MCC: variants seen among roughly 807,000 people sequenced by gnomAD.
The protein encoded by MCC is colorectal mutant cancer protein.
In MCC, 90 loss-of-function variants were observed where a neutral mutation model predicts 116.2. That is an observed-to-expected ratio of 0.77 (90% CI 0.65 to 0.92). The LOEUF is 0.92. MCC is among the 40% of genes least tolerant of loss of function. The pLI is 0.00. For missense variants in MCC, 1,516 were observed against 1,312.2 expected (o/e 1.16, Z -2.40); for synonymous variants, 578 against 510.5 (o/e 1.13, Z -1.78).
At chr5:113,294,632 G>A in intron 3 of MCC, 1 of 1,130,264 alleles carries the variant, frequency 8.8e-7, no homozygotes, top group Non-Finnish European at 1.1e-6. Flanking sequence ...GCTCGCAGCT[G>A]CGGCAGCGGC....
chr5:113,347,366 T>C (rs185591880), intron 2 of MCC, among the ~76,000 whole-genome samples: 98 of 151,772 alleles, frequency 6.5e-4, no homozygotes, highest in Non-Finnish European at 3.4e-4. Flanking sequence ...GTGGAATTTT[T>C]ATTAGTTTTC....
chr5:113,377,203 C>G (rs536300643), intron 2 of MCC, among the ~76,000 whole-genome samples: 1 of 152,132 alleles, frequency 6.6e-6, no homozygotes, highest in East Asian at 1.9e-4. Flanking sequence ...ACTTCTTCTT[C>G]AAAGTATTAG....
At chr5:113,186,871 G>A (rs1005077862) in intron 3 of MCC, among the ~76,000 whole-genome samples, 1 of 152,044 alleles carries the variant, frequency 6.6e-6, no homozygotes, top group African/African-American at 2.4e-5. Context: ...GACATTTCTG[G>A]TTTTCACAAC....
At chr5:113,334,919 C>A (rs1483046383) in intron 3 of MCC, among the ~76,000 whole-genome samples, 3 of 151,636 alleles carry the variant, frequency 2.0e-5, no homozygotes, top group Admixed American at 6.6e-5. Context: ...AAAATCAACC[C>A]TATATTCTAG....
intron 1 of MCC, among the ~76,000 whole-genome samples, chr5:113,447,330 G>A (rs1239289607): frequency 2.6e-5 from 4 of 152,174 alleles, no homozygotes; most frequent in Non-Finnish European, 5.9e-5. Flanking sequence ...TGCATTTGGA[G>A]TATAAATTTT....
chr5:113,447,284 G>A (rs945092802), intron 1 of MCC, among the ~76,000 whole-genome samples: 9 of 152,282 alleles, frequency 5.9e-5, no homozygotes, highest in African/African-American at 1.7e-4. Context: ...GGGTAGGAAG[G>A]GGTGGGTGGT....
chr5:113,439,001 G>A (rs575123247), intron 1 of MCC, among the ~76,000 whole-genome samples: 2 of 152,266 alleles, frequency 1.3e-5, no homozygotes, highest in African/African-American at 2.4e-5. Context: ...CCCAGGATAC[G>A]GTGTTGAGGC....
intron 3 of MCC, among the ~76,000 whole-genome samples, chr5:113,238,731 C>T (rs1334877621): frequency 1.3e-5 from 2 of 152,200 alleles, no homozygotes; most frequent in Admixed American, 1.3e-4. Context: ...GACTGCAATT[C>T]CATTCTTACC....
chr5:113,303,717 A>G (rs1228946016), intron 3 of MCC, among the ~76,000 whole-genome samples: 6 of 152,118 alleles, frequency 3.9e-5, no homozygotes, highest in African/African-American at 1.4e-4. Context: ...CAATGGCGCA[A>G]TCTCAGCTCA....
chr5:113,379,362 A>T (rs1280674495), intron 2 of MCC, among the ~76,000 whole-genome samples: 1 of 152,248 alleles, frequency 6.6e-6, no homozygotes, highest in Non-Finnish European at 1.5e-5. Flanking sequence ...TGATAACAAC[A>T]CGATTATATA....
intron 16 of MCC, among the ~76,000 whole-genome samples, chr5:113,045,690 T>C (rs1157129213): frequency 6.6e-6 from 1 of 151,460 alleles, no homozygotes; most frequent in East Asian, 1.9e-4. Context: ...TCCCAGATAA[T>C]TGGGAGGCTG....
intron 2 of MCC, among the ~76,000 whole-genome samples, chr5:113,354,212 T>C (rs1227446471): frequency 6.6e-6 from 1 of 152,100 alleles, no homozygotes; most frequent in East Asian, 1.9e-4. Flanking sequence ...CACTGGCAAT[T>C]GAATGCTCTG....
intron 8 of MCC, among the ~76,000 whole-genome samples, chr5:113,094,322 A>C (rs910138839): frequency 6.6e-6 from 1 of 151,906 alleles, no homozygotes; most frequent in Non-Finnish European, 1.5e-5. Flanking sequence ...GGTAAGTTTG[A>C]TATGTGTGCT....
intron 3 of MCC, among the ~76,000 whole-genome samples, chr5:113,218,935 A>G (rs1354660088): frequency 6.6e-6 from 1 of 152,270 alleles, no homozygotes; most frequent in Non-Finnish European, 1.5e-5. Flanking sequence ...AATTCTCAAC[A>G]TCGTATGGAT....
chr5:113,067,802 G>A (rs961987839), intron 13 of MCC, among the ~76,000 whole-genome samples: 13 of 152,232 alleles, frequency 8.5e-5, no homozygotes, highest in Non-Finnish European at 1.6e-4. Context: ...TCGCTGATGC[G>A]GCCTCAGCTC....
intron 3 of MCC, among the ~76,000 whole-genome samples, chr5:113,156,813 C>T (rs932181787): frequency 6.6e-6 from 1 of 152,150 alleles, no homozygotes; most frequent in African/African-American, 2.4e-5. Context: ...GAAACTAAAC[C>T]ACCTGGACAT....
Position 113,126,327 on chromosome 5 carries a change from C to T in MCC, c.885-3501G>A, listed in dbSNP as rs372598192. ...ATTTTAAAGACTGTTTTAGCCAGGA[C>T]CACTACCTTTATTTTACAAACAAGA... On this transcript the variant is annotated intron_variant, in intron 5 of 18. Coordinates refer to ENST00000408903, the MANE Select transcript of MCC (RefSeq NM_001085377.2). 2.0e-5 allele frequency among the ~76,000 whole-genome samples: 3 copies of T among 152,150 alleles called. No individual in the cohort carries two copies. In the South Asian group the frequency reaches 6.2e-4, roughly 32 times the overall value.
At chr5:113,115,096 C>T (rs1458773471) in intron 6 of MCC, among the ~76,000 whole-genome samples, 1 of 152,136 alleles carries the variant, frequency 6.6e-6, no homozygotes, top group Non-Finnish European at 1.5e-5. Flanking sequence ...GTCACAGATC[C>T]TCCCCCCTGA....
chr5:113,192,794 T>C (rs1372379745), intron 3 of MCC, among the ~76,000 whole-genome samples: 1 of 152,206 alleles, frequency 6.6e-6, no homozygotes, highest in Non-Finnish European at 1.5e-5. Context: ...ATGCAAAGCA[T>C]ACAACACAGT....
Sources: allele counts gnomAD v4.1 joint callset (sites outside exome capture counted in the v4.1 genomes callset), GRCh38; gene constraint gnomAD v4.1.1; transcripts MANE v1.5; gene names NCBI Gene and HGNC (gene_info 2026-07-23, HGNC 2026-07-21).